TMEFF2: variants seen among roughly 807,000 people sequenced by gnomAD.
The protein encoded by TMEFF2 is transmembrane protein with EGF like and two follistatin like domains 2.
A neutral mutation model predicts 53.8 loss-of-function variants in TMEFF2; 28 were observed. The ratio of observed to expected loss-of-function variants is 0.52; its 90% CI spans 0.39 to 0.71. TMEFF2 has a LOEUF of 0.71. Ranked by LOEUF, TMEFF2 falls within the 30% of genes least tolerant of loss-of-function variation. The pLI is 0.00. For missense variants in TMEFF2, 353 were observed against 455.2 expected (o/e 0.78, Z 2.04); for synonymous variants, 162 against 166.3 (o/e 0.97, Z 0.20).
In TMEFF2 at chr2:191,950,046, T is replaced by A. The variant is rs1203276048; in HGVS notation, c.*265A>T. On this transcript the variant is annotated 3_prime_UTR_variant, in exon 10 of 10. Coordinates refer to ENST00000272771, the MANE Select transcript of TMEFF2 (RefSeq NM_016192.4). ...TTCTCATCACTGAGTATTTATTATA[T>A]ATAACAAATACATGGGAAAGAAAAA... is the stretch of plus-strand genomic sequence containing the variant. 4.3e-6 allele frequency: 5 copies of A among 1,169,710 alleles called. No homozygotes were observed. Among genetic ancestry groups the A allele is most frequent in the Admixed American group, 4.2e-5 (1 of 23,584 alleles). The allele number at this position is 1,169,710 out of a possible 1,614,324, so 72.5% of individuals were successfully genotyped here. A position where few individuals can be genotyped will look rare whatever the true frequency, so the allele number is the denominator to read the frequency against.
chr2:192,116,407 C>A (rs1192719301), intron 4 of TMEFF2, among the ~76,000 whole-genome samples: 1 of 151,900 alleles, frequency 6.6e-6, no homozygotes, highest in Non-Finnish European at 1.5e-5. Context: ...ACAAAATGTA[C>A]AGCATCGTGA....
At chr2:192,102,299 C>T (rs1055476104) in intron 4 of TMEFF2, among the ~76,000 whole-genome samples, 2 of 152,178 alleles carry the variant, frequency 1.3e-5, no homozygotes, top group South Asian at 2.1e-4. Context: ...AAGCTTATCA[C>T]CAGCACACAG....
intron 7 of TMEFF2, among the ~76,000 whole-genome samples, chr2:191,964,870 G>A (rs1692425695): frequency 1.3e-5 from 2 of 152,046 alleles, no homozygotes; most frequent in Admixed American, 1.3e-4. Context: ...ATTCACTACA[G>A]CTGACCACAT....
chr2:192,153,656 A>G (rs913761959), intron 4 of TMEFF2, among the ~76,000 whole-genome samples: 22 of 151,890 alleles, frequency 1.4e-4, no homozygotes, highest in Admixed American at 1.1e-3. Context: ...CCATTCTTAT[A>G]TTTCCTGGGG....
chr2:192,146,150 T>C (rs1380478189), intron 4 of TMEFF2, among the ~76,000 whole-genome samples: 1 of 151,976 alleles, frequency 6.6e-6, no homozygotes, highest in Non-Finnish European at 1.5e-5. Context: ...CCTGCCACCA[T>C]GCTAGGTTCC....
chr2:192,139,241 T>C (rs1030244637), intron 4 of TMEFF2, among the ~76,000 whole-genome samples: 1 of 152,252 alleles, frequency 6.6e-6, no homozygotes, highest in Non-Finnish European at 1.5e-5. Flanking sequence ...ATATGTGATA[T>C]AAATACTGTT....
chr2:192,116,344 G>A (rs1418683083), intron 4 of TMEFF2, among the ~76,000 whole-genome samples: 1 of 151,980 alleles, frequency 6.6e-6, no homozygotes, highest in Non-Finnish European at 1.5e-5. Flanking sequence ...GAAATGGGGA[G>A]ATGTTGGTCA....
intron 4 of TMEFF2, among the ~76,000 whole-genome samples, chr2:192,173,543 T>C (rs1690966359): frequency 6.6e-6 from 1 of 151,844 alleles, no homozygotes; most frequent in African/African-American, 2.4e-5. Context: ...TCTCCTACAT[T>C]GTGACTCCCT....
intron 5 of TMEFF2, among the ~76,000 whole-genome samples, chr2:192,007,098 A>T (rs906754862): frequency 6.6e-6 from 1 of 152,202 alleles, no homozygotes; most frequent in Non-Finnish European, 1.5e-5. Context: ...CTCCAGCCAC[A>T]TCTTTTTTCC....
rs535953153 is a variant in TMEFF2 at position 191,979,857 on chromosome 2, G to GATCTATCTATCTATCTATCTATCTATCT, written c.745+18404_745+18405insAGATAGATAGATAGATAGATAGATAGAT. Among the ~76,000 whole-genome samples, 213 of 150,718 alleles carry GATCTATCTATCTATCTATCTATCTATCT rather than the reference G, an allele frequency of 1.4e-3. 1 individual carries two copies. Among genetic ancestry groups the GATCTATCTATCTATCTATCTATCTATCT allele is most frequent in the African/African-American group, 5.0e-3 (205 of 41,082 alleles). ...CTATATATATCTCTATCTATCTATC[G>GATCTATCTATCTATCTATCTATCTATCT]ATCTATCTATCTATCTATATGTTTT... On this transcript the variant is annotated intron_variant, in intron 7 of 9. Coordinates refer to ENST00000272771, the MANE Select transcript of TMEFF2 (RefSeq NM_016192.4).
intron 8 of TMEFF2, among the ~76,000 whole-genome samples, chr2:191,955,126 C>G (rs967209038): frequency 3.7e-5 from 2 of 53,744 alleles, no homozygotes; most frequent in African/African-American, 9.1e-5. Context: ...GAAGACAGCT[C>G]TAGGTGGGGG....
At chr2:192,185,069 T>C (rs1691278393) in intron 2 of TMEFF2, among the ~76,000 whole-genome samples, 2 of 152,080 alleles carry the variant, frequency 1.3e-5, no homozygotes, top group South Asian at 4.1e-4. Flanking sequence ...GATGTGGATA[T>C]GGTCTAGAGA....
chr2:192,175,658 C>G (rs2106028895), intron 4 of TMEFF2, among the ~76,000 whole-genome samples: 1 of 151,362 alleles, frequency 6.6e-6, no homozygotes, highest in African/African-American at 2.4e-5. Context: ...TTCCTTTTAT[C>G]TCATGAAATA....
intron 4 of TMEFF2, among the ~76,000 whole-genome samples, chr2:192,165,094 A>G (rs911056978): frequency 2.0e-5 from 3 of 151,954 alleles, no homozygotes; most frequent in African/African-American, 7.3e-5. Flanking sequence ...TGTTTCTATG[A>G]CTAGTGCCGT....
intron 5 of TMEFF2, among the ~76,000 whole-genome samples, chr2:192,027,359 T>C (rs1343630370): frequency 6.6e-6 from 1 of 152,222 alleles, no homozygotes; most frequent in Admixed American, 6.5e-5. Flanking sequence ...TTGCTTTGTG[T>C]TGTATATTAC....
intron 4 of TMEFF2, among the ~76,000 whole-genome samples, chr2:192,155,200 C>T (rs1291785568): frequency 6.6e-6 from 1 of 151,670 alleles, no homozygotes; most frequent in African/African-American, 2.4e-5. Context: ...TGGAAAGCAC[C>T]TTATATATCA....
intron 4 of TMEFF2, among the ~76,000 whole-genome samples, chr2:192,091,649 T>C (rs1348028080): frequency 6.6e-6 from 1 of 152,182 alleles, no homozygotes; most frequent in Non-Finnish European, 1.5e-5. Flanking sequence ...ATAGTTGGCA[T>C]TGTGGTTTTA....
At chr2:192,118,130 C>G (rs914606486) in intron 4 of TMEFF2, among the ~76,000 whole-genome samples, 21 of 151,778 alleles carry the variant, frequency 1.4e-4, no homozygotes, top group African/African-American at 4.6e-4. Context: ...TTATGATTTA[C>G]TCCATAAAGG....
At chr2:191,981,466 TG>T (rs1191610649) in intron 7 of TMEFF2, among the ~76,000 whole-genome samples, 1 of 152,222 alleles carries the variant, frequency 6.6e-6, no homozygotes, top group Non-Finnish European at 1.5e-5. Context: ...TCAACATTTC[TG>T]AGCTATGCTT....
Sources: gnomAD v4.1 joint callset for allele counts (sites outside exome capture counted in the v4.1 genomes callset) on GRCh38, gnomAD v4.1.1 for gene constraint, MANE v1.5 for transcripts, NCBI Gene and HGNC (gene_info 2026-07-23, HGNC 2026-07-21) for gene names.